The following ST18 variants were observed in gnomAD, a reference collection of about 807,000 sequenced individuals.
ST18 encodes suppression of tumorigenicity 18 protein.
Under a neutral mutation model 110.0 loss-of-function variants are expected in ST18, and 50 were observed. The ratio of observed to expected loss-of-function variants is 0.45; its 90% CI spans 0.36 to 0.58. The LOEUF is 0.58. Among genes scored for constraint, ST18 ranks in the 20% least tolerant of loss-of-function variants. ST18 has a pLI of 0.00. For missense variants in ST18, 1,306 were observed against 1,280.1 expected (o/e 1.02, Z -0.31); for synonymous variants, 461 against 452.4 (o/e 1.02, Z -0.24).
chr8:52,398,173 A>G (rs1841788667), intron 2 of ST18, among the ~76,000 whole-genome samples: 1 of 152,136 alleles, frequency 6.6e-6, no homozygotes, highest in Admixed American at 6.5e-5. Context: ...ATTCCTAAGC[A>G]TCTCTAAACA....
chr8:52,150,086 T>C (rs2058425263), intron 15 of ST18, 109 bp from the exon 16 acceptor site: 37 of 1,410,018 alleles, frequency 2.6e-5, no homozygotes, highest in Non-Finnish European at 3.1e-5. Flanking sequence ...TGTAAGTATA[T>C]CTGCTTTTAA....
At chr8:52,121,534 C>T (rs533503329) in intron 23 of ST18, among the ~76,000 whole-genome samples, 7 of 152,260 alleles carry the variant, frequency 4.6e-5, no homozygotes, top group South Asian at 4.2e-4. Flanking sequence ...TTTCACTCTG[C>T]ACTTCCAAAT....
At chr8:52,210,749 G>GGATT (rs1331618871) in intron 8 of ST18, among the ~76,000 whole-genome samples, 1 of 152,120 alleles carries the variant, frequency 6.6e-6, no homozygotes, top group Non-Finnish European at 1.5e-5. Context: ...GTAGGGCCAT[G>GGATT]GATTCCCTAC....
At chr8:52,161,273 A>T in intron 14 of ST18, 102 bp downstream of exon 14, 1 of 1,159,376 alleles carries the variant, frequency 8.6e-7, no homozygotes, top group Non-Finnish European at 1.2e-6. Context: ...AGCTGTATGT[A>T]GTATATCATA....
At chr8:52,124,441 T>G (rs2046207679) in intron 23 of ST18, among the ~76,000 whole-genome samples, 1 of 152,166 alleles carries the variant, frequency 6.6e-6, no homozygotes, top group African/African-American at 2.4e-5. Flanking sequence ...CCCAAAGTGC[T>G]GGGATTACAG....
intron 9 of ST18, among the ~76,000 whole-genome samples, chr8:52,173,896 T>C (rs968275915): frequency 3.3e-5 from 5 of 152,118 alleles, no homozygotes; most frequent in African/African-American, 1.2e-4. Flanking sequence ...GTCTTTTTGG[T>C]CTCATTTAAT....
chr8:52,366,596 G>C lies in ST18; in HGVS notation c.-465+42732C>G, dbSNP rs568224883. Among the ~76,000 whole-genome samples, 8 of 152,236 alleles carry C rather than the reference G, an allele frequency of 5.3e-5. No homozygotes were observed. The East Asian group carries it at 1.2e-3, about 22-fold the overall frequency. ...GTCACACAATGAGAGTTCACAGGAC[G>C]GGACCCATCGCTTCATCTGCGTAAC... On this transcript the variant is annotated intron_variant, in intron 2 of 25. Transcript: ENST00000689386.
chr8:52,195,701 G>A (rs2075982989), intron 8 of ST18, among the ~76,000 whole-genome samples: 1 of 152,136 alleles, frequency 6.6e-6, no homozygotes, highest in South Asian at 2.1e-4. Flanking sequence ...AGTAACAGAA[G>A]CACCTTAATC....
At chr8:52,326,051 T>C (rs933312810) in intron 2 of ST18, among the ~76,000 whole-genome samples, 1 of 152,188 alleles carries the variant, frequency 6.6e-6, no homozygotes, top group African/African-American at 2.4e-5. Flanking sequence ...CCCACATCCA[T>C]AGTTAACTAC....
chr8:52,281,960 G>A (rs116510344), intron 2 of ST18, among the ~76,000 whole-genome samples: 1,695 of 152,188 alleles, frequency 0.011, 22 homozygotes, highest in African/African-American at 0.039. Flanking sequence ...CTTAGATGGC[G>A]GGTGCACCAA....
chr8:52,196,587 T>TGA (rs142669491), intron 8 of ST18, among the ~76,000 whole-genome samples: 3,644 of 152,280 alleles, frequency 0.024, 103 homozygotes, highest in South Asian at 0.14. Context: ...ATAGGTATTT[T>TGA]GAGAGAGAGA....
intron 19 of ST18, among the ~76,000 whole-genome samples, chr8:52,133,523 A>G (rs1047530088): frequency 2.6e-5 from 4 of 152,060 alleles, no homozygotes; most frequent in African/African-American, 9.7e-5. Flanking sequence ...TTGGTTAATA[A>G]TCAATTTAAA....
chr8:52,329,195 G>C (rs757284876), intron 2 of ST18, among the ~76,000 whole-genome samples: 8 of 150,722 alleles, frequency 5.3e-5, no homozygotes, highest in Non-Finnish European at 1.2e-4. Flanking sequence ...GTGTTTCTGG[G>C]TGTGTATTCC....
chr8:52,284,191 C>A (rs2095431911), intron 2 of ST18, among the ~76,000 whole-genome samples: 1 of 152,096 alleles, frequency 6.6e-6, no homozygotes, highest in South Asian at 2.1e-4. Flanking sequence ...GGGTTTTAGG[C>A]CCTGCTGTGT....
intron 16 of ST18, among the ~76,000 whole-genome samples, chr8:52,148,671 A>AGGAAGGAAGGGAGAGAG (rs2058021547): frequency 7.5e-6 from 1 of 132,778 alleles, no homozygotes; most frequent in Non-Finnish European, 1.6e-5. Context: ...GAAGAAAGGA[A>AGGAAGGAAGGGAGAGAG]GGAAGGAAGG....
chr8:52,143,937 AT>A (rs1195137622), intron 16 of ST18, among the ~76,000 whole-genome samples: 1 of 152,158 alleles, frequency 6.6e-6, no homozygotes, highest in Non-Finnish European at 1.5e-5. Flanking sequence ...AATTGCTTTT[AT>A]TTTTATATTA....
chr8:52,166,647 T>C (rs1410681254), intron 11 of ST18, among the ~76,000 whole-genome samples: 1 of 152,240 alleles, frequency 6.6e-6, no homozygotes, highest in African/African-American at 2.4e-5. Flanking sequence ...CCTATGGCAA[T>C]TGTCTCTTGA....
chr8:52,148,026 T>C (rs1287916222), intron 16 of ST18, among the ~76,000 whole-genome samples: 3 of 152,184 alleles, frequency 2.0e-5, no homozygotes, highest in Non-Finnish European at 4.4e-5. Context: ...TTTTAGATGA[T>C]ACACGTAGAC....
At chr8:52,182,754 C>T (rs2070311278) in intron 8 of ST18, among the ~76,000 whole-genome samples, 1 of 152,050 alleles carries the variant, frequency 6.6e-6, no homozygotes, top group Non-Finnish European at 1.5e-5. Context: ...GTGTACTTCA[C>T]ACTTGAAAAT....
Sources: allele counts gnomAD v4.1 joint callset (sites outside exome capture counted in the v4.1 genomes callset), GRCh38; gene constraint gnomAD v4.1.1; transcripts MANE v1.5; gene names NCBI Gene and HGNC (gene_info 2026-07-23, HGNC 2026-07-21).